RNF169: variants seen among roughly 807,000 people sequenced by gnomAD.
The protein encoded by RNF169 is ring finger protein 169, also known as E3 ubiquitin-protein ligase RNF169.
RNF169 carries 24 observed loss-of-function variants against 53.9 expected under a neutral mutation model. The observed-to-expected ratio is 0.45, with a 90% CI of 0.32 to 0.63. RNF169 has a LOEUF of 0.63. RNF169 is among the 20% of genes least tolerant of loss of function. RNF169 has a pLI of 0.04. For synonymous variants in RNF169, 396 were observed against 363.5 expected (o/e 1.09, Z -1.02); for missense variants, 883 against 906.2 (o/e 0.97, Z 0.33).
At chr11:74,772,127 ATTAG>A (rs141954380) in intron 1 of RNF169, among the ~76,000 whole-genome samples, 1,554 of 152,266 alleles carry the variant, frequency 0.01, 30 homozygotes, top group African/African-American at 0.033. Context: ...TGTAATTTGA[ATTAG>A]TTCTATGAAT....
intron 1 of RNF169, among the ~76,000 whole-genome samples, chr11:74,787,505 G>T (rs1461449718): frequency 2.0e-5 from 3 of 152,236 alleles, no homozygotes; most frequent in African/African-American, 4.8e-5. Flanking sequence ...TGTTGGAAAA[G>T]ATGTGAGTAG....
In RNF169 at chr11:74,841,976, A is replaced by AG. The variant is rs779217635; in HGVS notation, c.*5249dup. 5.9e-5 allele frequency: 9 copies of AG among 152,126 alleles called. No homozygotes were observed. The highest frequency in any genetic ancestry group is 1.2e-4 in the Non-Finnish European group (8 of 68,040). 9.4% of individuals were successfully genotyped at this position (152,126 alleles called of 1,614,324 possible). A position where few individuals can be genotyped will look rare whatever the true frequency, so the allele number is the denominator to read the frequency against. ...CTAGTGAGAGAATAGATACTATGCA[A>AG]GGGAAAAAAATTTAAATGCCAACGA... is the stretch of plus-strand genomic sequence containing the variant. On this transcript the variant is annotated 3_prime_UTR_variant, in exon 6 of 6. Transcript: ENST00000299563.
intron 2 of RNF169, among the ~76,000 whole-genome samples, chr11:74,794,677 A>G (rs1019594398): frequency 1.3e-5 from 2 of 152,194 alleles, no homozygotes; most frequent in Non-Finnish European, 2.9e-5. Flanking sequence ...GACCTTCAGG[A>G]ATGATCACTG....
At chr11:74,817,100 T>C (rs1365343898) in intron 3 of RNF169, among the ~76,000 whole-genome samples, 1 of 152,094 alleles carries the variant, frequency 6.6e-6, no homozygotes, top group Non-Finnish European at 1.5e-5. Context: ...TAGAATAGAG[T>C]GGAAATAGCA....
At chr11:74,800,339 T>A (rs1565180492) in intron 2 of RNF169, among the ~76,000 whole-genome samples, 2 of 152,180 alleles carry the variant, frequency 1.3e-5, no homozygotes, top group Admixed American at 6.5e-5. Flanking sequence ...TGCAGACTTT[T>A]TAAAAAATGC....
chr11:74,819,624 T>C (rs1454090191), intron 4 of RNF169, among the ~76,000 whole-genome samples: 1 of 152,220 alleles, frequency 6.6e-6, no homozygotes, highest in Non-Finnish European at 1.5e-5. Context: ...CAGAACTGAC[T>C]GTCAAACATG....
chr11:74,787,459 T>A (rs1397444576), intron 1 of RNF169, among the ~76,000 whole-genome samples: 33 of 152,164 alleles, frequency 2.2e-4, no homozygotes, highest in Admixed American at 2.1e-3. Context: ...TTTCATCTGT[T>A]AGATTAGCAA....
At chr11:74,765,040 T>C in intron 1 of RNF169, among the ~76,000 whole-genome samples, 1 of 151,998 alleles carries the variant, frequency 6.6e-6, no homozygotes, top group East Asian at 1.9e-4. Context: ...AATGAGACCC[T>C]GTCTCTACTA....
chr11:74,761,516 A>G (rs1173685444), intron 1 of RNF169, among the ~76,000 whole-genome samples: 1 of 149,826 alleles, frequency 6.7e-6, no homozygotes, highest in Admixed American at 6.6e-5. Flanking sequence ...GGTGGTGACA[A>G]AATCTCTCAG....
chr11:74,789,113 A>G (rs2035545598), intron 1 of RNF169, among the ~76,000 whole-genome samples: 1 of 152,240 alleles, frequency 6.6e-6, no homozygotes, highest in Non-Finnish European at 1.5e-5. Flanking sequence ...TTCCAAACCT[A>G]GGGTCTAACA....
Position 74,805,932 on chromosome 11 carries a change from CCT to C in RNF169, c.577-4251_577-4250del, listed in dbSNP as rs1428553516. Among the ~76,000 whole-genome samples the C allele has an allele frequency of 5.9e-5, 9 of 151,966 alleles. No homozygotes were observed. The South Asian group carries it at 8.3e-4, about 14-fold the overall frequency. The stretch of plus-strand genomic sequence containing the variant: ...GCATGGATTTTGGTATATGCGGGGT[CCT>C]GGAACCAATCCCCTACATATACCGA... On this transcript the variant is annotated intron_variant, in intron 2 of 5. Coordinates refer to ENST00000299563, the MANE Select transcript of RNF169 (RefSeq NM_001098638.2).
intron 2 of RNF169, among the ~76,000 whole-genome samples, chr11:74,809,838 A>C (rs991362805): frequency 1.3e-5 from 2 of 152,206 alleles, no homozygotes; most frequent in Non-Finnish European, 2.9e-5. Context: ...CTTCTAGTCC[A>C]ATGCAGTTAC....
intron 3 of RNF169, 145 bp downstream of exon 3, chr11:74,810,475 C>T (rs182763611): frequency 2.1e-5 from 16 of 767,320 alleles, no homozygotes; most frequent in African/African-American, 3.5e-5. Flanking sequence ...GAAGAACTTA[C>T]GTCCAGGCCA....
chr11:74,803,550 T>C (rs2035763676), intron 2 of RNF169, among the ~76,000 whole-genome samples: 1 of 152,228 alleles, frequency 6.6e-6, no homozygotes, highest in Non-Finnish European at 1.5e-5. Flanking sequence ...TAACAGGGAA[T>C]ATACACTCTG....
intron 4 of RNF169, among the ~76,000 whole-genome samples, chr11:74,823,041 C>T (rs1323747334): frequency 5.9e-5 from 9 of 152,082 alleles, no homozygotes; most frequent in African/African-American, 2.2e-4. Context: ...CTTGACTATT[C>T]TGCTCCAGCA....
chr11:74,818,802 ATCTC>A (rs141119672), intron 4 of RNF169, among the ~76,000 whole-genome samples: 3,590 of 151,838 alleles, frequency 0.024, 119 homozygotes, highest in African/African-American at 0.083. Context: ...TATTTAGTAG[ATCTC>A]TCTCTCTTGC....
At chr11:74,818,843 C>T (rs1038347522) in intron 4 of RNF169, among the ~76,000 whole-genome samples, 1 of 152,120 alleles carries the variant, frequency 6.6e-6, no homozygotes, top group Non-Finnish European at 1.5e-5. Context: ...CACCCAGACC[C>T]TTTCATTTTG....
chr11:74,769,658 G>GA (rs1460967654), intron 1 of RNF169, among the ~76,000 whole-genome samples: 1 of 152,136 alleles, frequency 6.6e-6, no homozygotes, highest in South Asian at 2.1e-4. Context: ...GATAAATCTG[G>GA]AAAAAATACT....
At chr11:74,824,823 T>C (rs981915980) in intron 4 of RNF169, among the ~76,000 whole-genome samples, 3 of 152,076 alleles carry the variant, frequency 2.0e-5, no homozygotes, top group Non-Finnish European at 2.9e-5. Flanking sequence ...AAAGAAAGGG[T>C]TGCCTGTATA....
Sources: gnomAD v4.1 joint callset for allele counts (sites outside exome capture counted in the v4.1 genomes callset) on GRCh38, gnomAD v4.1.1 for gene constraint, MANE v1.5 for transcripts, NCBI Gene and HGNC (gene_info 2026-07-23, HGNC 2026-07-21) for gene names.